Variants in ATAD2B observed in about 807,000 individuals in gnomAD.
ATAD2B encodes the protein ATPase family AAA domain-containing protein 2B.
ATAD2B carries 40 observed loss-of-function variants against 167.6 expected under a neutral mutation model. That is an observed-to-expected ratio of 0.24 (90% CI 0.19 to 0.31). The LOEUF (loss-of-function observed/expected upper bound fraction) is 0.31, where lower values mean the gene tolerates loss of function less well. Among genes scored for constraint, ATAD2B ranks in the 10% least tolerant of loss-of-function variants. The pLI is 1.00. For missense variants in ATAD2B, 1,242 were observed against 1,757.2 expected (o/e 0.71, Z 5.24); for synonymous variants, 579 against 596.5 (o/e 0.97, Z 0.43).
the ATAD2B span, among the ~76,000 whole-genome samples, chr2:23,717,152 T>C: frequency 6.6e-6 from 1 of 152,034 alleles, no homozygotes; most frequent in East Asian, 1.9e-4. Context: ...AAATCCCAAG[T>C]GAGTAGGAAC....
intron 1 of ATAD2B, among the ~76,000 whole-genome samples, chr2:23,913,667 G>T (rs1017443809): frequency 6.6e-6 from 1 of 151,646 alleles, no homozygotes; most frequent in Admixed American, 6.6e-5. Context: ...ATTCTAGTTG[G>T]ATCTTCTGAG....
intron 5 of ATAD2B, 53 bp from the exon 6 acceptor site, chr2:23,884,926 C>CA (rs926555358): frequency 3.1e-5 from 36 of 1,179,794 alleles, no homozygotes; most frequent in East Asian, 1.9e-4. Context: ...TTCTCCACTA[C>CA]AAAAAAACAA....
chr2:23,733,036 A>C, the ATAD2B span, among the ~76,000 whole-genome samples: 1 of 152,210 alleles, frequency 6.6e-6, no homozygotes, highest in Non-Finnish European at 1.5e-5. Context: ...ACAGATGCAA[A>C]GCCCTTTAAA....
rs191961479 is a variant in ATAD2B at position 23,796,156 on chromosome 2, A to G, written c.2640+1982T>C. ...AAACTATTAGTATAAAACATGTTAT[A>G]TAATCAAAAGAGAATTCCCATAATC... On this transcript the variant is annotated intron_variant, in intron 19 of 27. Transcript: ENST00000238789. 9.2e-5 allele frequency among the ~76,000 whole-genome samples: 14 copies of G among 152,334 alleles called. No individual in the cohort carries two copies. In the East Asian group the frequency reaches 2.7e-3, roughly 29 times the overall value.
At chr2:23,692,301 G>A in the ATAD2B span, among the ~76,000 whole-genome samples, 2 of 152,330 alleles carry the variant, frequency 1.3e-5, no homozygotes, top group African/African-American at 2.4e-5. Context: ...GTCTGTCCAG[G>A]TCTAGACATC....
chr2:23,892,686 T>C (rs890205163), intron 2 of ATAD2B, among the ~76,000 whole-genome samples: 1 of 151,244 alleles, frequency 6.6e-6, no homozygotes, highest in African/African-American at 2.4e-5. Flanking sequence ...GCCAGACTGG[T>C]CTCCAACTCC....
chr2:23,691,884 C>A, the ATAD2B span: 1 of 1,547,300 alleles, frequency 6.5e-7, no homozygotes, highest in African/African-American at 1.4e-5. Context: ...TCGGTGAGCC[C>A]GGGGGCCACA....
intron 18 of ATAD2B, among the ~76,000 whole-genome samples, chr2:23,807,795 A>G (rs764944214): frequency 3.7e-4 from 50 of 134,774 alleles, no homozygotes; most frequent in Non-Finnish European, 7.0e-4. Flanking sequence ...CAGCCTGGGC[A>G]ACAGAGCGTG....
At chr2:23,878,663 TAAATA>T (rs967848901) in intron 7 of ATAD2B, among the ~76,000 whole-genome samples, 7 of 151,622 alleles carry the variant, frequency 4.6e-5, no homozygotes, top group East Asian at 1.9e-4. Flanking sequence ...CATCTCAAAA[TAAATA>T]AAATAAAATA....
At chr2:23,906,866 C>A (rs1405087544) in intron 1 of ATAD2B, among the ~76,000 whole-genome samples, 1 of 151,660 alleles carries the variant, frequency 6.6e-6, no homozygotes, top group Non-Finnish European at 1.5e-5. Context: ...AAGACAAAAA[C>A]CACATGATTA....
chr2:23,824,327 C>T (rs1687918272), intron 15 of ATAD2B, among the ~76,000 whole-genome samples: 1 of 152,140 alleles, frequency 6.6e-6, no homozygotes, highest in Admixed American at 6.6e-5. Flanking sequence ...AGTCCTTCAT[C>T]AATATTCCTA....
chr2:23,816,406 G>A (rs1005485266), intron 17 of ATAD2B, among the ~76,000 whole-genome samples: 2 of 152,098 alleles, frequency 1.3e-5, no homozygotes, highest in Admixed American at 6.5e-5. Flanking sequence ...TTACCAATAA[G>A]GGTCTATAAA....
At chr2:23,766,656 C>T (rs1316140288) in intron 22 of ATAD2B, among the ~76,000 whole-genome samples, 2 of 152,170 alleles carry the variant, frequency 1.3e-5, no homozygotes, top group African/African-American at 4.8e-5. Context: ...ACAAAACATA[C>T]ATGATATCAA....
At chr2:23,818,147 GAGAGA>G (rs1686811695) in intron 17 of ATAD2B, among the ~76,000 whole-genome samples, 1 of 119,464 alleles carries the variant, frequency 8.4e-6, no homozygotes, top group African/African-American at 3.2e-5. Flanking sequence ...CACACAGAGA[GAGAGA>G]AGGAGGGAGG....
chr2:23,849,250 G>A (rs960461394), intron 13 of ATAD2B, among the ~76,000 whole-genome samples: 3 of 152,020 alleles, frequency 2.0e-5, no homozygotes, highest in African/African-American at 7.2e-5. Flanking sequence ...GCAAGTTAAT[G>A]GCAAAAAATA....
chr2:23,708,842 C>CTTCCT, the ATAD2B span, among the ~76,000 whole-genome samples: 2 of 152,152 alleles, frequency 1.3e-5, no homozygotes, highest in African/African-American at 4.8e-5. Context: ...CTCTGAGGCT[C>CTTCCT]TTCCTTTCAT....
Position 23,848,577 on chromosome 2 carries a change from T to C in ATAD2B, c.1568+8838A>G, listed in dbSNP as rs915734381. Among the ~76,000 whole-genome samples, 3 of 152,326 alleles carry C rather than the reference T, an allele frequency of 2.0e-5. No homozygotes were observed. In the East Asian group the frequency reaches 5.8e-4, roughly 29 times the overall value. ...CCCATATTATATGTGAAATGGCCTATCATCAATTGAAGGTAGATGGTTACA... is the reference window on the plus strand; with the variant it reads ...CCCATATTATATGTGAAATGGCCTACCATCAATTGAAGGTAGATGGTTACA... On this transcript the variant is annotated intron_variant, in intron 13 of 27. Coordinates refer to ENST00000238789, the MANE Select transcript of ATAD2B (RefSeq NM_017552.4).
chr2:23,786,659 A>G (rs781089922), intron 20 of ATAD2B, among the ~76,000 whole-genome samples: 2 of 152,136 alleles, frequency 1.3e-5, no homozygotes, highest in African/African-American at 2.4e-5. Flanking sequence ...GCGCATGACT[A>G]TATGTGTGAA....
At chr2:23,730,023 GAAC>G in the ATAD2B span, among the ~76,000 whole-genome samples, 1 of 152,090 alleles carries the variant, frequency 6.6e-6, no homozygotes, top group Admixed American at 6.5e-5. Flanking sequence ...TGGAAGACCT[GAAC>G]AACATGAGCA....
Sources: allele counts gnomAD v4.1 joint callset (sites outside exome capture counted in the v4.1 genomes callset), GRCh38; gene constraint gnomAD v4.1.1; transcripts MANE v1.5; gene names NCBI Gene and HGNC (gene_info 2026-07-23, HGNC 2026-07-21).